CELF2: variants seen among roughly 807,000 people sequenced by gnomAD.
CELF2 encodes the protein CUGBP Elav-like family member 2.
CELF2 carries 8 observed loss-of-function variants against 62.6 expected under a neutral mutation model. That is an observed-to-expected ratio of 0.13 (90% CI 0.07 to 0.23). The LOEUF (loss-of-function observed/expected upper bound fraction) is 0.23. Ranked by LOEUF, CELF2 falls within the 10% of genes least tolerant of loss-of-function variation. The probability of loss-of-function intolerance (pLI) is 1.00; values close to 1 mark genes in which losing one functional copy is unlikely to be tolerated. For synonymous variants in CELF2, 258 were observed against 250.0 expected, an observed-to-expected ratio of 1.03 and a Z score of -0.30; for missense variants, 333 against 671.0, an observed-to-expected ratio of 0.50 and a Z score of 5.56.
chr10:10,656,303 G>T, the CELF2 span, among the ~76,000 whole-genome samples: 1 of 150,298 alleles, frequency 6.7e-6, no homozygotes. Flanking sequence ...CATTGTGGAA[G>T]TCAGTGTGGC....
chr10:10,868,998 A>G (rs1343250388), intron 1 of CELF2, among the ~76,000 whole-genome samples: 3 of 152,252 alleles, frequency 2.0e-5, no homozygotes, highest in Non-Finnish European at 2.9e-5. Flanking sequence ...AGAATGTTAT[A>G]GTAACATGTG....
the CELF2 span, among the ~76,000 whole-genome samples, chr10:10,771,525 T>A: frequency 1.3e-5 from 2 of 152,214 alleles, no homozygotes; most frequent in Admixed American, 1.3e-4. Flanking sequence ...TGTACTCCCA[T>A]AATTCCTATG....
At chr10:11,001,794 A>G (rs2054542441), upstream of CELF2, among the ~76,000 whole-genome samples, 1 of 152,034 alleles carries the variant, frequency 6.6e-6, no homozygotes. Context: ...TTTTTTGGAA[A>G]AAAAGAAATC....
chr10:11,209,232 C>G (rs1015729419), intron 2 of CELF2, among the ~76,000 whole-genome samples: 1 of 152,154 alleles, frequency 6.6e-6, no homozygotes, highest in Non-Finnish European at 1.5e-5. Context: ...GGGGACTGGG[C>G]TTTAGACGGA....
chr10:11,290,228 C>T lies in CELF2; in HGVS notation c.976+1676C>T, dbSNP rs1429898542. Reference sequence around the variant, plus strand: ...GGACAAGAAGCAAAGCAATGAGTGTCAGATCTGTGACAGAATCCCACTGAA... The same window carrying T: ...GGACAAGAAGCAAAGCAATGAGTGTTAGATCTGTGACAGAATCCCACTGAA... On this transcript the variant is annotated intron_variant, in intron 9 of 12. Coordinates refer to ENST00000633077, the MANE Select transcript of CELF2 (RefSeq NM_001326342.2). The surrounding 1 kb of genome is among the most constrained non-coding windows in gnomAD (Gnocchi z 4.3). Among the ~76,000 whole-genome samples the T allele has an allele frequency of 6.6e-6, 1 of 152,164 alleles. No individual in the cohort carries two copies. Among genetic ancestry groups the T allele is most frequent in the Non-Finnish European group, 1.5e-5 (1 of 68,024 alleles).
At position 11,197,058 on chromosome 10, in the gene CELF2, A is replaced by AAAGAAAGAAAG. The variant is rs1250421470; in HGVS notation, c.272-20365_272-20364insGAAAGAAAGAA. ...GAAAGAAAGAAAGAAAGAAAGAAAG[A>AAAGAAAGAAAG]AAAGAAAGAAAGGAAAGAAAGAAAG... is the stretch of plus-strand genomic sequence containing the variant. On this transcript the variant is annotated intron_variant, in intron 2 of 12. Coordinates refer to ENST00000633077, the MANE Select transcript of CELF2 (RefSeq NM_001326342.2). Among the ~76,000 whole-genome samples the AAAGAAAGAAAG allele has an allele frequency of 4.3e-4, 31 of 71,950 alleles. 2 individuals are homozygous for AAAGAAAGAAAG. The highest frequency in any genetic ancestry group is 1.5e-3 in the African/African-American group (26 of 17,316). 47.2% of individuals were successfully genotyped at this position (71,950 alleles called of 152,430 possible).
At chr10:10,968,292 G>A (rs2050366940) in intron 2 of CELF2, among the ~76,000 whole-genome samples, 1 of 152,056 alleles carries the variant, frequency 6.6e-6, no homozygotes, top group African/African-American at 2.4e-5. Flanking sequence ...TAAATTTGGA[G>A]CACCTAGTTT....
intron 2 of CELF2, chr10:10,927,346 T>TAAAAAA (rs34283995): frequency 7.0e-5 from 6 of 85,840 alleles, no homozygotes; most frequent in African/African-American, 2.3e-4. Context: ...CTAGTGACAT[T>TAAAAAA]AAAAAAAAAA....
At chr10:10,465,159 G>A in the CELF2 span, among the ~76,000 whole-genome samples, 112 of 152,156 alleles carry the variant, frequency 7.4e-4, 1 homozygote, top group African/African-American at 2.4e-3. Flanking sequence ...GAAAGTATAC[G>A]GATTGCTCCC....
chr10:11,200,508 G>A (rs17452064), intron 2 of CELF2, among the ~76,000 whole-genome samples: 1 of 152,150 alleles, frequency 6.6e-6, no homozygotes, highest in African/African-American at 2.4e-5. Flanking sequence ...ATGAATACCT[G>A]GAAAGCATTT....
At chr10:11,004,837 A>G (rs1261274398), upstream of CELF2, among the ~76,000 whole-genome samples, 1 of 152,178 alleles carries the variant, frequency 6.6e-6, no homozygotes, top group African/African-American at 2.4e-5. This position sits in a 1 kb window ranked among gnomAD's most constrained non-coding sequence, Gnocchi z 5.0. Flanking sequence ...GAGCAGATGA[A>G]TCCAACTGTG....
chr10:11,090,227 T>C (rs1291818), intron 1 of CELF2, among the ~76,000 whole-genome samples: 82,100 of 151,528 alleles, frequency 0.54, 22,766 homozygotes, highest in East Asian at 0.81. Context: ...GCACCTTGAA[T>C]GCTATGAAGG....
At chr10:10,617,795 G>A in the CELF2 span, among the ~76,000 whole-genome samples, 1 of 152,118 alleles carries the variant, frequency 6.6e-6, no homozygotes, top group African/African-American at 2.4e-5. Flanking sequence ...TTTACTGGAA[G>A]TAAGTAACCA....
intron 2 of CELF2, among the ~76,000 whole-genome samples, chr10:11,196,938 G>A (rs569422502): frequency 6.7e-6 from 1 of 149,868 alleles, no homozygotes; most frequent in African/African-American, 2.5e-5. Context: ...CAGCCTGGGC[G>A]ACAGAGCGAG....
chr10:10,956,835 G>A (rs1033345140), intron 2 of CELF2, among the ~76,000 whole-genome samples: 3 of 152,060 alleles, frequency 2.0e-5, no homozygotes, highest in Non-Finnish European at 4.4e-5. Context: ...TTGGGAGGCT[G>A]AGGCTGGAGG....
At chr10:10,863,506 G>C (rs2060167886) in intron 1 of CELF2, among the ~76,000 whole-genome samples, 1 of 152,126 alleles carries the variant, frequency 6.6e-6, no homozygotes, top group South Asian at 2.1e-4. Flanking sequence ...CTAAACCTTG[G>C]TTGTCTTATC....
chr10:10,654,165 C>G, the CELF2 span, among the ~76,000 whole-genome samples: 1 of 134,354 alleles, frequency 7.4e-6, no homozygotes, highest in East Asian at 2.0e-4. Flanking sequence ...AAGACTAAAC[C>G]AGGAAGAAGT....
At chr10:11,231,398 A>T (rs535636973) in intron 3 of CELF2, among the ~76,000 whole-genome samples, 3 of 152,346 alleles carry the variant, frequency 2.0e-5, no homozygotes, top group South Asian at 4.1e-4. Context: ...AATAAGAAAC[A>T]AAGTGATTAG....
At chr10:10,553,636 G>C in the CELF2 span, among the ~76,000 whole-genome samples, 1 of 152,170 alleles carries the variant, frequency 6.6e-6, no homozygotes, top group African/African-American at 2.4e-5. Flanking sequence ...TGAGAGAGGG[G>C]TGACCTAGTC....
Sources: allele counts gnomAD v4.1 joint callset (sites outside exome capture counted in the v4.1 genomes callset), GRCh38; gene constraint gnomAD v4.1.1; non-coding constraint Gnocchi (gnomAD v3.1); transcripts MANE v1.5; gene names NCBI Gene and HGNC (gene_info 2026-07-23, HGNC 2026-07-21).